CDKAL1: variants seen among roughly 807,000 people sequenced by gnomAD.
CDKAL1 encodes CDKAL1 threonylcarbamoyladenosine tRNA methylthiotransferase.
Under a neutral mutation model 68.2 loss-of-function variants are expected in CDKAL1, and 32 were observed. The observed-to-expected ratio is 0.47, with a 90% CI of 0.35 to 0.63. The LOEUF is 0.63. Among genes scored for constraint, CDKAL1 ranks in the 30% least tolerant of loss-of-function variants. CDKAL1 has a pLI of 0.00. For missense variants in CDKAL1, 606 were observed against 696.7 expected, an observed-to-expected ratio of 0.87 and a Z score of 1.47; for synonymous variants, 234 against 244.3, an observed-to-expected ratio of 0.96 and a Z score of 0.39.
intron 4 of CDKAL1, among the ~76,000 whole-genome samples, chr6:20,639,336 A>AGAG (rs1160882788): frequency 1.3e-5 from 2 of 152,152 alleles, no homozygotes; most frequent in Non-Finnish European, 2.9e-5. Flanking sequence ...TCCTTTAGTC[A>AGAG]GAGACTCACT....
chr6:21,201,293 C>A lies in CDKAL1; in HGVS notation c.1548+19C>A. The A allele has an allele frequency of 6.3e-7, 1 of 1,581,548 alleles. No individual in the cohort carries two copies. Among genetic ancestry groups the A allele is most frequent in the Non-Finnish European group, 8.7e-7 (1 of 1,155,832 alleles). The stretch of plus-strand genomic sequence containing the variant: ...GACAAAGGTAAGTAAAAGATGCTCT[C>A]CTCTCTACCCTGCTAGTAAAACAGC... On this transcript the variant is annotated intron_variant, in intron 15 of 15. Coordinates refer to ENST00000274695, the MANE Select transcript of CDKAL1 (RefSeq NM_017774.3).
intron 13 of CDKAL1, among the ~76,000 whole-genome samples, chr6:21,134,242 G>A (rs946126286): frequency 6.6e-6 from 1 of 152,144 alleles, no homozygotes; most frequent in Non-Finnish European, 1.5e-5. Context: ...CTCAAATTCG[G>A]TTTTAGAAAT....
chr6:20,763,731 T>C (rs766399990), intron 7 of CDKAL1, among the ~76,000 whole-genome samples: 29 of 152,232 alleles, frequency 1.9e-4, no homozygotes, highest in South Asian at 4.1e-4. Flanking sequence ...ACATTGATAC[T>C]AAAAGCATTT....
intron 15 of CDKAL1, among the ~76,000 whole-genome samples, chr6:21,206,044 C>CCAGG (rs1778920953): frequency 7.0e-6 from 1 of 142,638 alleles, no homozygotes; most frequent in Admixed American, 7.1e-5. Context: ...GGGGTTTCAC[C>CCAGG]ATGGTCTCTA....
intron 4 of CDKAL1, among the ~76,000 whole-genome samples, chr6:20,566,071 C>A (rs1159396323): frequency 1.3e-5 from 2 of 152,002 alleles, no homozygotes; most frequent in African/African-American, 4.8e-5. Flanking sequence ...CTTCCCTCTC[C>A]AACCCCATAC....
At chr6:21,185,359 A>G (rs9465985) in intron 13 of CDKAL1, among the ~76,000 whole-genome samples, 63,877 of 151,936 alleles carry the variant, frequency 0.42, 13,968 homozygotes, top group African/African-American at 0.52. Flanking sequence ...CAATCCTTCC[A>G]CCTAAGTAGA....
chr6:20,933,038 C>G (rs1243255294), intron 9 of CDKAL1, among the ~76,000 whole-genome samples: 4 of 152,074 alleles, frequency 2.6e-5, no homozygotes, highest in Non-Finnish European at 5.9e-5. Flanking sequence ...GGAATCAAAC[C>G]CTGGTTGGCA....
At chr6:20,671,453 T>A (rs1044283215) in intron 5 of CDKAL1, among the ~76,000 whole-genome samples, 2 of 152,230 alleles carry the variant, frequency 1.3e-5, no homozygotes, top group Admixed American at 1.3e-4. Context: ...CAGAATATTT[T>A]ATTCTTTGCC....
At chr6:20,849,461 T>G (rs1484718567) in intron 9 of CDKAL1, among the ~76,000 whole-genome samples, 1 of 151,720 alleles carries the variant, frequency 6.6e-6, no homozygotes, top group Non-Finnish European at 1.5e-5. Context: ...CGGGTGCCTA[T>G]AGTCTCAGCT....
chr6:20,928,605 T>C (rs1340097010), intron 9 of CDKAL1, among the ~76,000 whole-genome samples: 2 of 152,126 alleles, frequency 1.3e-5, no homozygotes, highest in Non-Finnish European at 2.9e-5. Context: ...AAGTGACTAA[T>C]TTAAAGTAAG....
intron 15 of CDKAL1, among the ~76,000 whole-genome samples, chr6:21,230,307 A>T (rs1449136659): frequency 2.0e-5 from 3 of 152,156 alleles, no homozygotes; most frequent in Non-Finnish European, 4.4e-5. Flanking sequence ...GACTACCGGC[A>T]CCTGCCACCA....
chr6:20,610,482 G>A (rs544246518), intron 4 of CDKAL1, among the ~76,000 whole-genome samples: 6 of 146,158 alleles, frequency 4.1e-5, no homozygotes, highest in Non-Finnish European at 7.6e-5. Context: ...TGACTGGTGT[G>A]GAAAACGTTT....
intron 4 of CDKAL1, among the ~76,000 whole-genome samples, chr6:20,641,654 G>T (rs1487657114): frequency 6.6e-6 from 1 of 152,156 alleles, no homozygotes; most frequent in Non-Finnish European, 1.5e-5. Context: ...CACAGAGATT[G>T]TTACAAATTG....
At chr6:20,940,886 C>G (rs908433781) in intron 9 of CDKAL1, among the ~76,000 whole-genome samples, 3 of 152,074 alleles carry the variant, frequency 2.0e-5, no homozygotes. Context: ...GTCAGGAGAT[C>G]AAGACCATCC....
chr6:20,538,331 C>T (rs1763259312), intron 2 of CDKAL1, among the ~76,000 whole-genome samples: 1 of 151,724 alleles, frequency 6.6e-6, no homozygotes, highest in African/African-American at 2.4e-5. Flanking sequence ...ATTAGTGTCA[C>T]ATTAGATTCT....
chr6:21,101,869 A>T (rs1336666989), intron 12 of CDKAL1, among the ~76,000 whole-genome samples: 1 of 152,094 alleles, frequency 6.6e-6, no homozygotes, highest in Non-Finnish European at 1.5e-5. Context: ...TCAGTTACCA[A>T]GAGCTGTCTA....
intron 10 of CDKAL1, among the ~76,000 whole-genome samples, chr6:20,971,361 G>A (rs1307403147): frequency 6.6e-6 from 1 of 152,136 alleles, no homozygotes; most frequent in Admixed American, 6.5e-5. Flanking sequence ...TCTTCCAAAA[G>A]CTGTGCACAT....
At chr6:21,088,389 A>G (rs1772818053) in intron 12 of CDKAL1, among the ~76,000 whole-genome samples, 2 of 152,230 alleles carry the variant, frequency 1.3e-5, no homozygotes, top group Admixed American at 6.5e-5. Context: ...ATCTACAGAT[A>G]TGTAGTTAAA....
chr6:20,752,079 C>A, intron 6 of CDKAL1, among the ~76,000 whole-genome samples: 1 of 151,698 alleles, frequency 6.6e-6, no homozygotes, highest in African/African-American at 2.4e-5. Flanking sequence ...CGTAACTCCC[C>A]CTCCCCTGAC....
Sources: gnomAD v4.1 joint callset for allele counts (sites outside exome capture counted in the v4.1 genomes callset) on GRCh38, gnomAD v4.1.1 for gene constraint, MANE v1.5 for transcripts, NCBI Gene and HGNC (gene_info 2026-07-23, HGNC 2026-07-21) for gene names.